The following CDC42BPA variants were observed in gnomAD, a reference collection of about 807,000 sequenced individuals.
CDC42BPA encodes the protein serine/threonine-protein kinase MRCK alpha.
CDC42BPA carries 80 observed loss-of-function variants against 223.5 expected under a neutral mutation model. That is an observed-to-expected ratio of 0.36 (90% CI 0.30 to 0.43). CDC42BPA has a LOEUF of 0.43. CDC42BPA is among the 20% of genes least tolerant of loss of function. CDC42BPA has a pLI of 1.00. For missense variants in CDC42BPA, 1,743 were observed against 2,099.9 expected (o/e 0.83, Z 3.32); for synonymous variants, 694 against 718.6 (o/e 0.97, Z 0.55).
At chr1:227,043,541 T>A (rs1234002011) in intron 23 of CDC42BPA, among the ~76,000 whole-genome samples, 2 of 152,146 alleles carry the variant, frequency 1.3e-5, no homozygotes, top group Non-Finnish European at 2.9e-5. Context: ...ATTTTATTTC[T>A]TGGGGAGAAA....
At chr1:227,198,438 C>CAAA (rs1176604134) in intron 4 of CDC42BPA, among the ~76,000 whole-genome samples, 3,525 of 50,346 alleles carry the variant, frequency 0.07, 147 homozygotes, top group East Asian at 0.099. Context: ...ATCCAGCAAA[C>CAAA]AAAAAAAAAA....
intron 16 of CDC42BPA, among the ~76,000 whole-genome samples, chr1:227,082,714 C>CAAAAAAAAAAAA (rs71574595): frequency 3.4e-5 from 2 of 59,510 alleles, no homozygotes; most frequent in South Asian, 1.7e-3. Flanking sequence ...GACTCTGTCT[C>CAAAAAAAAAAAA]AAAAAAAAAA....
chr1:227,298,072 G>GTGAC (rs1691012993), intron 1 of CDC42BPA, among the ~76,000 whole-genome samples: 1 of 140,086 alleles, frequency 7.1e-6, no homozygotes, highest in South Asian at 2.2e-4. Flanking sequence ...AAAAAGCAGT[G>GTGAC]TGACTATATA....
At chr1:227,189,574 T>A (rs937215558) in intron 5 of CDC42BPA, among the ~76,000 whole-genome samples, 2 of 152,214 alleles carry the variant, frequency 1.3e-5, no homozygotes, top group African/African-American at 4.8e-5. Flanking sequence ...ACATGGGGAA[T>A]CTGATAGGTG....
chr1:227,008,277 T>C (rs187237611), intron 34 of CDC42BPA, among the ~76,000 whole-genome samples: 2 of 152,308 alleles, frequency 1.3e-5, no homozygotes, highest in East Asian at 1.9e-4. Flanking sequence ...GTTTAGTTAA[T>C]ATTGATTTGA....
intron 32 of CDC42BPA, among the ~76,000 whole-genome samples, chr1:227,018,674 T>C (rs1186063800): frequency 3.9e-5 from 6 of 152,258 alleles, no homozygotes; most frequent in Non-Finnish European, 7.4e-5. Flanking sequence ...AATACAGGCA[T>C]ACCTTGGAAA....
chr1:227,113,069 C>T (rs995502833), intron 12 of CDC42BPA, among the ~76,000 whole-genome samples, 156 bp from the exon 13 acceptor site: 3 of 152,194 alleles, frequency 2.0e-5, no homozygotes. Context: ...ATATTAACGG[C>T]ATGGTGTCCT....
Position 227,317,090 on chromosome 1 carries a change from T to C in CDC42BPA, c.93A>G (p.Leu31=). 6.2e-7 allele frequency: 1 copy of C among 1,614,020 alleles called. No individual in the cohort carries two copies. Among genetic ancestry groups the C allele is most frequent in the Non-Finnish European group, 8.5e-7 (1 of 1,179,870 alleles). Reference sequence around the variant, plus strand: ...CATAAAGGCAGATGAGTATATCCAGTAATGTCTCCACACTGAAGCACTGCC... The same window carrying C: ...CATAAAGGCAGATGAGTATATCCAGCAATGTCTCCACACTGAAGCACTGCC... ...TNGQCFSVET[L]LDILICLYDE... Residue 31 remains leucine (L), a synonymous_variant, in exon 1 of 37, where the codon TTA becomes TTG. Transcript: ENST00000366766.
rs568583740 is a variant in CDC42BPA at position 227,033,850 on chromosome 1, T to A, written c.3477-435A>T. ...TCTTGTGATTCCCTTAATTTTGTTG[T>A]TGGTACCATGACTCCCTTAGTCTTA... is the stretch of plus-strand genomic sequence containing the variant. On this transcript the variant is annotated intron_variant, in intron 26 of 36. Coordinates refer to ENST00000366766, the MANE Select transcript of CDC42BPA (RefSeq NM_001394014.1). Among the ~76,000 whole-genome samples, 27 of 149,566 alleles carry A rather than the reference T, an allele frequency of 1.8e-4. No individual in the cohort carries two copies. In the South Asian group the frequency reaches 5.6e-3, roughly 31 times the overall value.
intron 2 of CDC42BPA, among the ~76,000 whole-genome samples, chr1:227,217,762 T>C (rs1045452872): frequency 6.6e-6 from 1 of 152,058 alleles, no homozygotes; most frequent in Non-Finnish European, 1.5e-5. Context: ...CCACACTCAA[T>C]CCCAACTAGC....
chr1:227,201,706 T>A (rs1380823677), intron 3 of CDC42BPA, among the ~76,000 whole-genome samples: 1 of 151,630 alleles, frequency 6.6e-6, no homozygotes, highest in Non-Finnish European at 1.5e-5. Context: ...GATTATATAT[T>A]CACATGGTAT....
At chr1:227,302,537 TC>T (rs1691821248) in intron 1 of CDC42BPA, among the ~76,000 whole-genome samples, 1 of 152,162 alleles carries the variant, frequency 6.6e-6, no homozygotes, top group African/African-American at 2.4e-5. Context: ...CCTTTTGGGG[TC>T]TCTTGTTTGT....
intron 10 of CDC42BPA, among the ~76,000 whole-genome samples, chr1:227,132,647 ATCG>A (rs985498547): frequency 2.7e-5 from 4 of 146,852 alleles, no homozygotes; most frequent in African/African-American, 1.0e-4. Flanking sequence ...GAAAGTGAGG[ATCG>A]TCTCTGCCCG....
chr1:227,133,060 C>A (rs1657592871), intron 10 of CDC42BPA, among the ~76,000 whole-genome samples: 1 of 150,662 alleles, frequency 6.6e-6, no homozygotes, highest in Admixed American at 6.6e-5. Context: ...CCCCACCAGG[C>A]CAGCCGCCCC....
intron 1 of CDC42BPA, among the ~76,000 whole-genome samples, chr1:227,271,242 G>C (rs992631093): frequency 2.6e-5 from 4 of 152,054 alleles, no homozygotes; most frequent in African/African-American, 9.7e-5. Flanking sequence ...GACTAAATCA[G>C]AGCAAGATCT....
At position 227,160,627 on chromosome 1, in the gene CDC42BPA, T is replaced by C. The variant is rs761609152; in HGVS notation, c.609A>G (p.Lys203=). Residue 203 remains lysine (K), a synonymous_variant, in exon 6 of 37, where the codon AAA becomes AAG. Transcript: ENST00000366766. The part of the protein sequence containing the change: ...HQLHYVHRDI[K]PDNILMDMNG... ...TCATATCCATCAGTATATTGTCAGG[T>C]TTAATGTCTCTGAAAAAATAAATAA... 4.5e-6 allele frequency: 7 copies of C among 1,559,490 alleles called. No individual in the cohort carries two copies. Among genetic ancestry groups the C allele is most frequent in the African/African-American group, 1.4e-5 (1 of 73,352 alleles).
chr1:227,222,972 A>C (rs1460693910), intron 2 of CDC42BPA, among the ~76,000 whole-genome samples: 1 of 152,162 alleles, frequency 6.6e-6, no homozygotes, highest in East Asian at 1.9e-4. Context: ...TGTGCAAAAC[A>C]CACCTAAACA....
chr1:227,312,948 C>T (rs1360683796), intron 1 of CDC42BPA, among the ~76,000 whole-genome samples: 4 of 152,130 alleles, frequency 2.6e-5, no homozygotes, highest in East Asian at 1.9e-4. Flanking sequence ...TGAGGCCTCC[C>T]CTGCATGCCT....
intron 22 of CDC42BPA, 80 bp downstream of exon 22, chr1:227,051,801 G>C (rs1673572523): frequency 2.7e-6 from 2 of 742,628 alleles, no homozygotes; most frequent in African/African-American, 1.8e-5. Context: ...TAAGAGGAGA[G>C]AGACAGACTT....
Sources: allele counts gnomAD v4.1 joint callset (sites outside exome capture counted in the v4.1 genomes callset), GRCh38; gene constraint gnomAD v4.1.1; transcripts MANE v1.5; gene names NCBI Gene and HGNC (gene_info 2026-07-23, HGNC 2026-07-21).